ALDH1A2: variants seen among roughly 807,000 people sequenced by gnomAD.
ALDH1A2 encodes retinal dehydrogenase 2.
In ALDH1A2, 27 loss-of-function variants were observed where a neutral mutation model predicts 60.3. The observed-to-expected ratio is 0.45, with a 90% CI of 0.33 to 0.62. ALDH1A2 has a LOEUF of 0.62. ALDH1A2 is among the 20% of genes least tolerant of loss of function. The pLI is 0.02. For missense variants in ALDH1A2, 581 were observed against 643.8 expected (o/e 0.90, Z 1.06); for synonymous variants, 289 against 232.4 (o/e 1.24, Z -2.21).
At chr15:57,992,902 T>G in intron 6 of ALDH1A2, 43 bp downstream of exon 6, 1 of 1,613,554 alleles carries the variant, frequency 6.2e-7, no homozygotes, top group Non-Finnish European at 8.5e-7. Flanking sequence ...AGGCTCCAGC[T>G]GTAAGGGGAG....
At chr15:57,956,134 C>T (rs1193917207) in intron 12 of ALDH1A2, among the ~76,000 whole-genome samples, 3 of 151,976 alleles carry the variant, frequency 2.0e-5, no homozygotes, top group Non-Finnish European at 4.4e-5. Context: ...TTCTTTTTGC[C>T]TTCCACCAAA....
intron 4 of ALDH1A2, among the ~76,000 whole-genome samples, chr15:58,003,022 T>C (rs934189766): frequency 2.6e-5 from 4 of 151,894 alleles, no homozygotes; most frequent in Admixed American, 2.6e-4. Flanking sequence ...AGTCTGCTGG[T>C]AGTTTCTAAG....
At chr15:57,975,474 A>ATACT (rs1372896310) in intron 7 of ALDH1A2, among the ~76,000 whole-genome samples, 5 of 152,336 alleles carry the variant, frequency 3.3e-5, no homozygotes, top group Non-Finnish European at 1.5e-5. Context: ...TATTTGCATT[A>ATACT]TACTTACCAG....
At chr15:58,053,397 C>CA in intron 1 of ALDH1A2, among the ~76,000 whole-genome samples, 1 of 152,060 alleles carries the variant, frequency 6.6e-6, no homozygotes, top group East Asian at 1.9e-4. Flanking sequence ...TTAACAGCTG[C>CA]ATTATTTCAA....
At chr15:58,030,714 A>G (rs563335546) in intron 1 of ALDH1A2, among the ~76,000 whole-genome samples, 11 of 152,306 alleles carry the variant, frequency 7.2e-5, no homozygotes, top group Admixed American at 3.3e-4. Flanking sequence ...AATGTGCAAA[A>G]ATCACAAACA....
chr15:57,974,658 AC>A, intron 7 of ALDH1A2, among the ~76,000 whole-genome samples: 1 of 152,168 alleles, frequency 6.6e-6, no homozygotes, highest in South Asian at 2.1e-4. Context: ...AAAACACAAA[AC>A]TATAAAATTT....
At chr15:58,055,296 A>G (rs1896868715) in intron 1 of ALDH1A2, among the ~76,000 whole-genome samples, 1 of 152,114 alleles carries the variant, frequency 6.6e-6, no homozygotes, top group African/African-American at 2.4e-5. Flanking sequence ...TAATGTAATC[A>G]TATGTGAAAA....
At chr15:58,014,404 A>G in intron 1 of ALDH1A2, 123 bp from the exon 2 acceptor site, 1 of 845,672 alleles carries the variant, frequency 1.2e-6, no homozygotes, top group Non-Finnish European at 2.0e-6. Flanking sequence ...TACAATTTGA[A>G]GTGTTTTAAG....
At chr15:58,040,361 C>A (rs1253370165) in intron 1 of ALDH1A2, among the ~76,000 whole-genome samples, 1 of 151,926 alleles carries the variant, frequency 6.6e-6, no homozygotes, top group Non-Finnish European at 1.5e-5. Flanking sequence ...ATAAAACAAC[C>A]TGCAGACAGA....
intron 9 of ALDH1A2, among the ~76,000 whole-genome samples, chr15:57,963,464 C>T (rs916282333): frequency 2.6e-5 from 4 of 151,820 alleles, no homozygotes; most frequent in Admixed American, 6.6e-5. Flanking sequence ...CTCAGCCTCC[C>T]GAGTAGCTGG....
chr15:57,965,964 G>C, intron 7 of ALDH1A2, 137 bp from the exon 8 acceptor site: 1 of 715,350 alleles, frequency 1.4e-6, no homozygotes, highest in Non-Finnish European at 2.5e-6. Flanking sequence ...CTTGTCATCA[G>C]CTTGGGTTAC....
At chr15:58,060,460 TATC>T (rs768103074) in intron 1 of ALDH1A2, among the ~76,000 whole-genome samples, 1,427 of 121,490 alleles carry the variant, frequency 0.012, 10 homozygotes, top group Middle Eastern at 0.036. Context: ...ATGCCACACA[TATC>T]TTTTTTTTTT....
At chr15:58,005,024 T>G (rs187268623) in intron 4 of ALDH1A2, among the ~76,000 whole-genome samples, 183 of 151,952 alleles carry the variant, frequency 1.2e-3, no homozygotes, top group African/African-American at 4.3e-3. Flanking sequence ...CCTATTTAAT[T>G]TGGTGACTCA....
chr15:57,965,002 A>G (rs549275692), intron 8 of ALDH1A2, among the ~76,000 whole-genome samples: 1 of 152,078 alleles, frequency 6.6e-6, no homozygotes, highest in East Asian at 1.9e-4. Flanking sequence ...CTGCCTGGCA[A>G]CAAGTGGAGG....
chr15:58,000,182 A>G (rs1216844161), intron 4 of ALDH1A2, among the ~76,000 whole-genome samples: 1 of 151,990 alleles, frequency 6.6e-6, no homozygotes, highest in African/African-American at 2.4e-5. Flanking sequence ...ACAAACCTGC[A>G]CAGGTAATCC....
In ALDH1A2 at chr15:58,065,655, G is replaced by T; in HGVS notation, c.-5C>A. 6.3e-7 allele frequency: 1 copy of T among 1,583,576 alleles called. No homozygotes were observed. The highest frequency in any genetic ancestry group is 8.6e-7 in the Non-Finnish European group (1 of 1,163,528). On this transcript the variant is annotated 5_prime_UTR_variant, in exon 1 of 13. Transcript: ENST00000249750. ...CTCTATCTTGCTGGAAGTCATGGTG[G>T]CGGGCCGGGTGTCCCTAGCCCGCGG...
At chr15:57,960,134 C>A (rs1344672045) in intron 12 of ALDH1A2, among the ~76,000 whole-genome samples, 1 of 152,130 alleles carries the variant, frequency 6.6e-6, no homozygotes, top group East Asian at 1.9e-4. Flanking sequence ...GTCTTTTCTG[C>A]GATTCCTCTG....
At chr15:57,986,606 A>C (rs992473752) in intron 7 of ALDH1A2, among the ~76,000 whole-genome samples, 1 of 150,198 alleles carries the variant, frequency 6.7e-6, no homozygotes, top group Non-Finnish European at 1.5e-5. Flanking sequence ...ACCCATAAAC[A>C]GGAAAAACTC....
At chr15:58,037,022 G>T (rs1408234526) in intron 1 of ALDH1A2, among the ~76,000 whole-genome samples, 1 of 151,590 alleles carries the variant, frequency 6.6e-6, no homozygotes, top group Non-Finnish European at 1.5e-5. Context: ...GATTTAAGAA[G>T]TGTAACAAAG....
Sources: allele counts gnomAD v4.1 joint callset (sites outside exome capture counted in the v4.1 genomes callset), GRCh38; gene constraint gnomAD v4.1.1; transcripts MANE v1.5; gene names NCBI Gene and HGNC (gene_info 2026-07-23, HGNC 2026-07-21).